The following HECTD2 variants were observed in gnomAD, a reference collection of about 807,000 sequenced individuals.
HECTD2 encodes the protein probable E3 ubiquitin-protein ligase HECTD2.
Under a neutral mutation model 103.2 loss-of-function variants are expected in HECTD2, and 35 were observed. The observed-to-expected ratio is 0.34, with a 90% CI of 0.26 to 0.45. HECTD2 has a LOEUF of 0.45. Among genes scored for constraint, HECTD2 ranks in the 20% least tolerant of loss-of-function variants. The pLI, the probability that HECTD2 is intolerant of heterozygous loss-of-function variation, is 1.00. For synonymous variants in HECTD2, 281 were observed against 329.9 expected (o/e 0.85, Z 1.61); for missense variants, 596 against 937.4 (o/e 0.64, Z 4.76).
intron 2 of HECTD2, among the ~76,000 whole-genome samples, chr10:91,432,491 T>C (rs117261962): frequency 0.017 from 2,600 of 152,004 alleles, 36 homozygotes; most frequent in Non-Finnish European, 0.029. Context: ...ATGATATCTC[T>C]TCAGAGAAAC....
At chr10:91,433,249 A>C (rs954144972) in intron 2 of HECTD2, among the ~76,000 whole-genome samples, 1 of 151,988 alleles carries the variant, frequency 6.6e-6, no homozygotes, top group African/African-American at 2.4e-5. Context: ...TTTTTATTGA[A>C]TAGGTAACAC....
chr10:91,431,660 A>G (rs1027205983), intron 2 of HECTD2, among the ~76,000 whole-genome samples: 2 of 151,840 alleles, frequency 1.3e-5, no homozygotes, highest in African/African-American at 4.8e-5. Context: ...CCTTTCTTCC[A>G]GTTGATCGCA....
rs548120934 is a variant in HECTD2 at position 91,437,963 on chromosome 10, C to A, written c.268+12553C>A. ...TGACAAAACACTTTTTTTAAAAAAACAATTTATTAGAGCATAATTATATTA... is the reference window on the plus strand; with the variant it reads ...TGACAAAACACTTTTTTTAAAAAAAAAATTTATTAGAGCATAATTATATTA... On this transcript the variant is annotated intron_variant, in intron 2 of 20. Transcript: ENST00000298068. 5.3e-5 allele frequency among the ~76,000 whole-genome samples: 8 copies of A among 151,910 alleles called. No individual in the cohort carries two copies. In the South Asian group the frequency reaches 8.3e-4, roughly 16 times the overall value.
chr10:91,452,760 G>GT (rs752001301), intron 2 of HECTD2, among the ~76,000 whole-genome samples: 7 of 152,054 alleles, frequency 4.6e-5, no homozygotes, highest in Non-Finnish European at 8.8e-5. Flanking sequence ...TTTCTCATCA[G>GT]TAACCATGGA....
At chr10:91,501,475 A>G (rs1007078404) in intron 20 of HECTD2, 141 bp downstream of exon 20, 3 of 514,886 alleles carry the variant, frequency 5.8e-6, no homozygotes, top group African/African-American at 2.0e-5. Flanking sequence ...TGGCCTTGAA[A>G]TGTAAGAGAT....
chr10:91,480,409 A>G (rs4376822), intron 6 of HECTD2, among the ~76,000 whole-genome samples: 25,121 of 151,976 alleles, frequency 0.17, 4,806 homozygotes, highest in African/African-American at 0.47. Flanking sequence ...TTGTTTTTCA[A>G]TCCAGGACCC....
At chr10:91,434,966 T>A (rs1445214024) in intron 2 of HECTD2, among the ~76,000 whole-genome samples, 1 of 152,000 alleles carries the variant, frequency 6.6e-6, no homozygotes, top group African/African-American at 2.4e-5. Context: ...TGACAATGTA[T>A]GTAGATGAGC....
At chr10:91,509,918 T>G (rs979695741) in intron 20 of HECTD2, among the ~76,000 whole-genome samples, 4 of 152,136 alleles carry the variant, frequency 2.6e-5, no homozygotes, top group Admixed American at 6.5e-5. Context: ...CATGTACCCC[T>G]GAACCTAAAA....
At chr10:91,429,034 T>G (rs1239006264) in intron 2 of HECTD2, among the ~76,000 whole-genome samples, 1 of 152,172 alleles carries the variant, frequency 6.6e-6, no homozygotes, top group African/African-American at 2.4e-5. Context: ...TAGCTCTTAT[T>G]ATTTTGAAAT....
chr10:91,409,876 C>T (rs1034514994), upstream of HECTD2, among the ~76,000 whole-genome samples: 1 of 152,164 alleles, frequency 6.6e-6, no homozygotes, highest in African/African-American at 2.4e-5. Flanking sequence ...CGCTTGCCCG[C>T]GGGACTCGGC....
At chr10:91,420,609 A>G (rs1283806335) in intron 1 of HECTD2, among the ~76,000 whole-genome samples, 1 of 152,112 alleles carries the variant, frequency 6.6e-6, no homozygotes, top group African/African-American at 2.4e-5. Context: ...AAAAAAAGAA[A>G]AAAAGAAAAT....
chr10:91,507,361 T>A (rs1847230463), intron 20 of HECTD2, among the ~76,000 whole-genome samples: 1 of 151,562 alleles, frequency 6.6e-6, no homozygotes, highest in Non-Finnish European at 1.5e-5. Context: ...GACATGATTG[T>A]ATATCTAGAA....
intron 8 of HECTD2, chr10:91,484,258 C>CT: frequency 1.2e-6 from 1 of 849,090 alleles, no homozygotes; most frequent in Non-Finnish European, 1.8e-6. Context: ...ATAATGAAGA[C>CT]TGAATATTGA....
chr10:91,514,595 TTATC>T lies in HECTD2; in HGVS notation c.*2212_*2215del, dbSNP rs1847542430. 2 of 152,626 alleles carry T rather than the reference TTATC, an allele frequency of 1.3e-5. No individual in the cohort carries two copies. Among genetic ancestry groups the T allele is most frequent in the African/African-American group, 4.8e-5 (2 of 41,460 alleles). 9.5% of individuals were successfully genotyped at this position (152,626 alleles called of 1,614,324 possible). ...AGTAAATTAAAGCATTACACAGTAT[TTATC>T]AGTATTTTTTAAACATCCTGTCCTT... On this transcript the variant is annotated 3_prime_UTR_variant, in exon 21 of 21. Transcript: ENST00000298068.
In HECTD2 at chr10:91,425,364, A is replaced by G; in HGVS notation, c.222A>G (p.Glu74=). The part of the protein sequence containing the change: ...SAVSPKKEAA[E]NRSSPAHLVF... ...TTAGCCCGAAGAAAGAAGCTGCTGA[A>G]AACAGAAGTTCACCTGCACATCTTG... Residue 74 remains glutamate (E), a synonymous_variant, in exon 2 of 21, where the codon GAA becomes GAG. Transcript: ENST00000298068. The G allele has an allele frequency of 6.3e-7, 1 of 1,580,832 alleles. No homozygotes were observed. The highest frequency in any genetic ancestry group is 1.2e-5 in the South Asian group (1 of 85,144).
At chr10:91,493,395 T>C (rs1846549014) in intron 13 of HECTD2, 25 bp from the exon 14 acceptor site, 2 of 1,319,146 alleles carry the variant, frequency 1.5e-6, no homozygotes, top group South Asian at 1.5e-5. Context: ...ATGTTAATAA[T>C]AACATTATTC....
intron 4 of HECTD2, 54 bp from the exon 5 acceptor site, chr10:91,462,041 T>G: frequency 7.6e-7 from 1 of 1,313,452 alleles, no homozygotes; most frequent in Non-Finnish European, 1.1e-6. Flanking sequence ...CAAATTTTAC[T>G]AAGAATAGTC....
chr10:91,499,223 A>G (rs1333921880), intron 18 of HECTD2, 73 bp downstream of exon 18: 1 of 779,164 alleles, frequency 1.3e-6, no homozygotes, highest in Non-Finnish European at 2.1e-6. Flanking sequence ...TAATTAATAA[A>G]TATTTTAGTA....
chr10:91,412,668 ATGTGTGTGTGTG>A (rs58691011), intron 1 of HECTD2, among the ~76,000 whole-genome samples: 2 of 147,174 alleles, frequency 1.4e-5, no homozygotes, highest in Admixed American at 1.3e-4. Context: ...CTGTGGCAGA[ATGTGTGTGTGTG>A]TGTGTGTGTG....
Sources: allele counts gnomAD v4.1 joint callset (sites outside exome capture counted in the v4.1 genomes callset), GRCh38; gene constraint gnomAD v4.1.1; transcripts MANE v1.5; gene names NCBI Gene and HGNC (gene_info 2026-07-23, HGNC 2026-07-21).